SNX29: variants seen among roughly 807,000 people sequenced by gnomAD.
SNX29 encodes the protein sorting nexin-29.
In SNX29, 78 loss-of-function variants were observed where a neutral mutation model predicts 102.1. The ratio of observed to expected loss-of-function variants is 0.76; its 90% CI spans 0.64 to 0.92. The LOEUF (loss-of-function observed/expected upper bound fraction) is 0.92. SNX29 is among the 40% of genes least tolerant of loss of function. The pLI, the probability that SNX29 is intolerant of heterozygous loss-of-function variation, is 0.00. For missense variants in SNX29, 1,280 were observed against 1,061.7 expected (o/e 1.21, Z -2.86); for synonymous variants, 580 against 414.5 (o/e 1.40, Z -4.85).
chr16:12,277,336 G>A (rs1167754528), intron 14 of SNX29, among the ~76,000 whole-genome samples: 1 of 152,088 alleles, frequency 6.6e-6, no homozygotes, highest in East Asian at 1.9e-4. Flanking sequence ...GGAGTTCGAG[G>A]CTGTAGTGAG....
chr16:12,174,024 C>T (rs1022230413), intron 13 of SNX29, among the ~76,000 whole-genome samples: 2 of 152,220 alleles, frequency 1.3e-5, no homozygotes, highest in Admixed American at 1.3e-4. Context: ...AAGTGGTCCC[C>T]CCCAACCTTG....
chr16:12,026,340 C>G (rs2057190490), intron 3 of SNX29, among the ~76,000 whole-genome samples: 1 of 152,226 alleles, frequency 6.6e-6, no homozygotes, highest in South Asian at 2.1e-4. Context: ...GTGTACCTCC[C>G]TTTGCTAGAA....
chr16:12,046,523 C>T, intron 6 of SNX29, 69 bp downstream of exon 6: 1 of 1,441,246 alleles, frequency 6.9e-7, no homozygotes, highest in Non-Finnish European at 9.8e-7. Flanking sequence ...TGGGGCAGTT[C>T]CACAGCGCCA....
chr16:12,318,651 G>A (rs1481539983), intron 15 of SNX29, among the ~76,000 whole-genome samples: 2 of 152,116 alleles, frequency 1.3e-5, no homozygotes, highest in East Asian at 3.9e-4. Context: ...GGGTTGCGCT[G>A]CTTGTTCTTA....
chr16:12,135,158 G>A (rs952771329), intron 13 of SNX29, among the ~76,000 whole-genome samples: 1 of 152,208 alleles, frequency 6.6e-6, no homozygotes, highest in Non-Finnish European at 1.5e-5. Context: ...ACATTGGTGA[G>A]GGCCATTTGT....
rs1343539214 is a variant in SNX29, at chr16:12,568,980, G to C, written c.*351G>C. 6 of 341,854 alleles carry C rather than the reference G, an allele frequency of 1.8e-5. No homozygotes were observed. Among genetic ancestry groups the C allele is most frequent in the African/African-American group, 1.2e-4 (6 of 48,284 alleles). The allele number at this position is 341,854 out of a possible 1,614,324, so 21.2% of individuals were successfully genotyped here. ...AGGCTGGGTGCGCCATGGTTGAGAG[G>C]CAAAGGTGATCCCCTATATAGGAAG... On this transcript the variant is annotated 3_prime_UTR_variant, in exon 21 of 21. Coordinates refer to ENST00000566228, the MANE Select transcript of SNX29 (RefSeq NM_032167.5).
In SNX29 at chr16:12,320,635, T is replaced by C. The variant is rs189917716; in HGVS notation, c.1783-35528T>C. 2.6e-5 allele frequency among the ~76,000 whole-genome samples: 4 copies of C among 152,312 alleles called. No homozygotes were observed. The East Asian group carries it at 7.7e-4, about 29-fold the overall frequency. ...CTAGAATGTTCTGAATTGCCCACTGTGTTCCAGGCAGTGTGTCATGTGCTG... is the reference window on the plus strand; with the variant it reads ...CTAGAATGTTCTGAATTGCCCACTGCGTTCCAGGCAGTGTGTCATGTGCTG... On this transcript the variant is annotated intron_variant, in intron 15 of 20. Coordinates refer to ENST00000566228, the MANE Select transcript of SNX29 (RefSeq NM_032167.5).
At chr16:12,221,381 G>A (rs185547897) in intron 14 of SNX29, among the ~76,000 whole-genome samples, 4 of 152,324 alleles carry the variant, frequency 2.6e-5, no homozygotes, top group African/African-American at 4.8e-5. Flanking sequence ...TCGGGAGGCC[G>A]AGGTGGGTGG....
chr16:12,003,056 C>G lies in SNX29; in HGVS notation c.122+13C>G, dbSNP rs1596564257. On this transcript the variant is annotated intron_variant, in intron 3 of 20. Coordinates refer to ENST00000566228, the MANE Select transcript of SNX29 (RefSeq NM_032167.5). ...ATTCCGACAGCAGGTAAATATGTCA[C>G]TTCTAAAACCGTTGACCATCGAGGT... The G allele has an allele frequency of 5.6e-6, 9 of 1,614,114 alleles. No individual in the cohort carries two copies. The highest frequency in any genetic ancestry group is 7.6e-6 in the Non-Finnish European group (9 of 1,180,004).
At chr16:12,187,918 A>T (rs1033293663) in intron 13 of SNX29, among the ~76,000 whole-genome samples, 5 of 152,132 alleles carry the variant, frequency 3.3e-5, no homozygotes, top group Non-Finnish European at 7.4e-5. Flanking sequence ...GGGAAATCGG[A>T]TAATCATTTT....
chr16:12,037,959 C>A (rs2057522424), intron 4 of SNX29, among the ~76,000 whole-genome samples: 1 of 143,288 alleles, frequency 7.0e-6, no homozygotes, highest in African/African-American at 2.5e-5. Context: ...TGTCCCCACC[C>A]CGCCCCTCAA....
In SNX29 at chr16:12,146,330, A is replaced by G. The variant is rs188538167; in HGVS notation, c.1595+16572A>G. Among the ~76,000 whole-genome samples, 55 of 152,082 alleles carry G rather than the reference A, an allele frequency of 3.6e-4. No homozygotes were observed. The East Asian group carries it at 9.1e-3, about 25-fold the overall frequency. On this transcript the variant is annotated intron_variant, in intron 13 of 20. Coordinates refer to ENST00000566228, the MANE Select transcript of SNX29 (RefSeq NM_032167.5). ...GCCCAGGCTAGAGTGCAGTGGCACA[A>G]TCTCAGCTCACTGCAACCCCCACCT...
chr16:12,552,289 C>T lies in SNX29; in HGVS notation c.2319-16217C>T, dbSNP rs961020324. 4.9e-4 allele frequency among the ~76,000 whole-genome samples: 74 copies of T among 152,312 alleles called. 1 individual carries two copies. The highest frequency in any genetic ancestry group is 1.7e-3 in the African/African-American group (72 of 41,560). On this transcript the variant is annotated intron_variant, in intron 20 of 20. Transcript: ENST00000566228. ...AGCCCTGGCCAGTTAACTTCTGTGCCTCAGTTTCCTCTTCTAGAAGAGGTG... is the reference window on the plus strand; with the variant it reads ...AGCCCTGGCCAGTTAACTTCTGTGCTTCAGTTTCCTCTTCTAGAAGAGGTG...
intron 14 of SNX29, among the ~76,000 whole-genome samples, chr16:12,229,275 G>A (rs1596565494): frequency 6.6e-6 from 1 of 152,174 alleles, no homozygotes; most frequent in African/African-American, 2.4e-5. Context: ...CATAGTACCT[G>A]GCACATAGTA....
intron 16 of SNX29, among the ~76,000 whole-genome samples, chr16:12,379,064 T>G (rs1341296193): frequency 2.0e-5 from 3 of 151,992 alleles, no homozygotes; most frequent in Non-Finnish European, 4.4e-5. Context: ...AACAGGAGAG[T>G]GGAGGTGGGG....
At chr16:11,993,335 C>T (rs1187217572) in intron 1 of SNX29, among the ~76,000 whole-genome samples, 2 of 152,164 alleles carry the variant, frequency 1.3e-5, no homozygotes, top group South Asian at 2.1e-4. Context: ...CTCCTCCCCA[C>T]GTGCCAGGGG....
At chr16:12,289,544 C>T (rs886201591) in intron 15 of SNX29, among the ~76,000 whole-genome samples, 5 of 152,186 alleles carry the variant, frequency 3.3e-5, no homozygotes, top group African/African-American at 1.2e-4. Flanking sequence ...GCTGTTTCTC[C>T]ACCCCATGTG....
intron 14 of SNX29, among the ~76,000 whole-genome samples, chr16:12,214,705 C>T (rs1390917328): frequency 6.6e-6 from 1 of 152,082 alleles, no homozygotes; most frequent in African/African-American, 2.4e-5. Context: ...AATAGACTCC[C>T]TCCTTGTCTT....
intron 16 of SNX29, among the ~76,000 whole-genome samples, chr16:12,360,822 C>T (rs2082279943): frequency 1.3e-5 from 2 of 152,114 alleles, no homozygotes; most frequent in Non-Finnish European, 1.5e-5. Flanking sequence ...TACTAAGAAC[C>T]CTTTCAGGGA....
Sources: gnomAD v4.1 joint callset for allele counts (sites outside exome capture counted in the v4.1 genomes callset) on GRCh38, gnomAD v4.1.1 for gene constraint, MANE v1.5 for transcripts, NCBI Gene and HGNC (gene_info 2026-07-23, HGNC 2026-07-21) for gene names.